The following PRKCB variants were observed in gnomAD, a reference collection of about 807,000 sequenced individuals.
PRKCB encodes protein kinase C beta, also known as protein kinase C beta type.
A neutral mutation model predicts 81.5 loss-of-function variants in PRKCB; 13 were observed. The ratio of observed to expected loss-of-function variants is 0.16; its 90% confidence interval spans 0.10 to 0.25. The LOEUF is 0.25. PRKCB is among the 10% of genes least tolerant of loss of function. The pLI is 1.00. For synonymous variants in PRKCB, 335 were observed against 321.4 expected, an observed-to-expected ratio of 1.04 and a Z score of -0.45; for missense variants, 509 against 875.7, an observed-to-expected ratio of 0.58 and a Z score of 5.29.
intron 5 of PRKCB, among the ~76,000 whole-genome samples, chr16:24,087,327 A>T (rs140833357): frequency 6.6e-6 from 1 of 152,202 alleles, no homozygotes; most frequent in Non-Finnish European, 1.5e-5. Flanking sequence ...TTTTTTCAAC[A>T]CGTTTCTGCA....
intron 3 of PRKCB, among the ~76,000 whole-genome samples, chr16:24,009,039 G>A (rs1352535596): frequency 1.3e-5 from 2 of 152,012 alleles, no homozygotes; most frequent in African/African-American, 2.4e-5. Flanking sequence ...CCTTCTTTTT[G>A]GGGGGCTGAA....
rs1968267928 is a variant in PRKCB at position 24,218,483 on chromosome 16, C to T, written c.*3667C>T. Reference sequence around the variant, plus strand: ...GCCCCACTCTAGCCACACATACCCACGTGTGCTCCTGAGTTCAGTGTGCCC... The same window carrying T: ...GCCCCACTCTAGCCACACATACCCATGTGTGCTCCTGAGTTCAGTGTGCCC... On this transcript the variant is annotated 3_prime_UTR_variant, in exon 17 of 17. Transcript: ENST00000643927. The T allele has an allele frequency of 6.4e-5, 63 of 985,512 alleles. No individual in the cohort carries two copies. Among genetic ancestry groups the T allele is most frequent in the Non-Finnish European group, 7.5e-5 (62 of 829,992 alleles). The allele number at this position is 985,512 out of a possible 1,614,324, so 61.0% of individuals were successfully genotyped here. A position where few individuals can be genotyped will look rare whatever the true frequency, so the allele number is the denominator to read the frequency against.
intron 2 of PRKCB, among the ~76,000 whole-genome samples, chr16:23,848,419 A>G (rs927460317): frequency 4.6e-5 from 7 of 152,182 alleles, no homozygotes; most frequent in African/African-American, 1.7e-4. Context: ...GGCTGTTGCT[A>G]TTTTTCACAC....
intron 7 of PRKCB, among the ~76,000 whole-genome samples, chr16:24,102,859 C>T (rs1479416509): frequency 1.3e-5 from 2 of 152,046 alleles, no homozygotes; most frequent in Non-Finnish European, 2.9e-5. Context: ...TTTCTTCTTT[C>T]GCCTGACTCT....
chr16:23,955,190 C>G (rs1018917968), intron 2 of PRKCB, among the ~76,000 whole-genome samples: 1 of 149,684 alleles, frequency 6.7e-6, no homozygotes, highest in East Asian at 2.0e-4. Flanking sequence ...CCACTGCACT[C>G]CAGCCTGGGC....
chr16:24,011,412 T>A (rs1555490413), intron 3 of PRKCB, among the ~76,000 whole-genome samples: 1 of 152,240 alleles, frequency 6.6e-6, no homozygotes, highest in Non-Finnish European at 1.5e-5. Flanking sequence ...TTTGTGGCCT[T>A]GCAAGTTAAT....
chr16:23,944,682 G>C (rs1344075825), intron 2 of PRKCB, among the ~76,000 whole-genome samples: 1 of 152,146 alleles, frequency 6.6e-6, no homozygotes, highest in Admixed American at 6.5e-5. Context: ...TGCCACTTTG[G>C]GTGGCTGGAA....
intron 3 of PRKCB, among the ~76,000 whole-genome samples, chr16:24,029,204 G>A (rs1447586090): frequency 6.6e-6 from 1 of 152,154 alleles, no homozygotes; most frequent in Non-Finnish European, 1.5e-5. Context: ...AAACATTTTA[G>A]CAACTCTGGT....
rs1307237817 is a variant in PRKCB at position 24,092,938 on chromosome 16, C to G, written c.677C>G (p.Thr226Arg). 1.2e-6 allele frequency: 2 copies of G among 1,613,590 alleles called. No individual in the cohort carries two copies. Among genetic ancestry groups the G allele is most frequent in the South Asian group, 1.1e-5 (1 of 91,068 alleles). The change falls in exon 6 of 17, where the codon ACA (threonine) becomes AGA (arginine). Residue 226 changes from threonine (T) to arginine (R), a missense_variant. By Grantham distance (71) the Thr-to-Arg change is moderately conservative (BLOSUM62 -1). Around this residue, in one of 6 missense-constraint regions of PRKCB, gnomAD observed 184 missense variants for 362.9 expected, o/e 0.51. Coordinates refer to ENST00000643927, the MANE Select transcript of PRKCB (RefSeq NM_002738.7). The stretch of plus-strand genomic sequence containing the variant: ...TCCCTCAACCCTGAGTGGAATGAGA[C>G]ATTTAGATTGTAAGTGGAAATGACT... ...KCSLNPEWNETFRFQLKESDK... is the reference protein window; with the variant it reads ...KCSLNPEWNERFRFQLKESDK...
chr16:23,849,048 T>C (rs1228198556), intron 2 of PRKCB, among the ~76,000 whole-genome samples: 2 of 152,196 alleles, frequency 1.3e-5, no homozygotes, highest in Admixed American at 1.3e-4. Flanking sequence ...AAATGCTTGG[T>C]TGGGGCCGGA....
chr16:24,020,969 CTTTTCTTT>C (rs1965350592), intron 3 of PRKCB, among the ~76,000 whole-genome samples: 1 of 123,736 alleles, frequency 8.1e-6, no homozygotes, highest in African/African-American at 3.1e-5. Flanking sequence ...CTGAGAGAGA[CTTTTCTTT>C]TTCTTTCTTT....
At chr16:24,008,453 G>T (rs1469049618) in intron 3 of PRKCB, among the ~76,000 whole-genome samples, 1 of 152,204 alleles carries the variant, frequency 6.6e-6, no homozygotes, top group African/African-American at 2.4e-5. Flanking sequence ...TGGAATCAAG[G>T]GTGCTGGTTT....
In PRKCB at chr16:23,961,079, A is replaced by AT. The variant is rs953432113; in HGVS notation, c.206-27418dup. ...AAAAAAATTTGCTAGATTTTTGCTT[A>AT]TTTTTTTTTTTAAGAAATGAGGTCT... On this transcript the variant is annotated intron_variant, in intron 2 of 16. Transcript: ENST00000643927. Among the ~76,000 whole-genome samples, 77 of 145,716 alleles carry AT rather than the reference A, an allele frequency of 5.3e-4. 4 individuals carry two copies. The highest frequency in any genetic ancestry group is 3.5e-3 in the South Asian group (16 of 4,616).
At chr16:24,203,989 C>A (rs1231782839) in intron 16 of PRKCB, among the ~76,000 whole-genome samples, 2 of 151,842 alleles carry the variant, frequency 1.3e-5, no homozygotes, top group African/African-American at 4.8e-5. Context: ...ACTGGCAGGT[C>A]CTCATTCTGC....
At chr16:24,003,539 C>T (rs1268809691) in intron 3 of PRKCB, among the ~76,000 whole-genome samples, 2 of 152,104 alleles carry the variant, frequency 1.3e-5, no homozygotes, top group Non-Finnish European at 2.9e-5. Flanking sequence ...TGTGCACCAC[C>T]ATACTCAGCT....
At chr16:24,058,727 TC>T (rs1168160076) in intron 5 of PRKCB, among the ~76,000 whole-genome samples, 2 of 152,186 alleles carry the variant, frequency 1.3e-5, no homozygotes, top group African/African-American at 4.8e-5. Context: ...AGCTATGAAG[TC>T]TGATTAATGC....
intron 5 of PRKCB, among the ~76,000 whole-genome samples, chr16:24,079,949 C>G (rs1966228320): frequency 6.6e-6 from 1 of 152,152 alleles, no homozygotes; most frequent in African/African-American, 2.4e-5. Flanking sequence ...TGAATTTTGT[C>G]AGTCGCCTTT....
rs187639760 is a variant in PRKCB at position 23,851,876 on chromosome 16, T to G, written c.205+14470T>G. On this transcript the variant is annotated intron_variant, in intron 2 of 16. Coordinates refer to ENST00000643927, the MANE Select transcript of PRKCB (RefSeq NM_002738.7). Reference sequence around the variant, plus strand: ...TTAGTTTGTTTTCTTAATTTTCTGGTCTGGTAGTTTGTTATTAGATAAGCT... The same window carrying G: ...TTAGTTTGTTTTCTTAATTTTCTGGGCTGGTAGTTTGTTATTAGATAAGCT... 9.7e-4 allele frequency among the ~76,000 whole-genome samples: 148 copies of G among 152,272 alleles called. 1 individual carries two copies. Among genetic ancestry groups the G allele is most frequent in the African/African-American group, 3.4e-3 (141 of 41,554 alleles).
intron 5 of PRKCB, among the ~76,000 whole-genome samples, chr16:24,082,032 G>A (rs561536350): frequency 1.3e-5 from 2 of 152,202 alleles, no homozygotes; most frequent in South Asian, 2.1e-4. Context: ...CTGGGTTGCA[G>A]CATACAAGTC....
Sources: gnomAD v4.1 joint callset for allele counts (sites outside exome capture counted in the v4.1 genomes callset) on GRCh38, gnomAD v4.1.1 for gene constraint, gnomAD v4.1.1 regional missense constraint, MANE v1.5 for transcripts, NCBI Gene and HGNC (gene_info 2026-07-23, HGNC 2026-07-21) for gene names.